Variants in PCDHA8 observed in about 807,000 individuals in gnomAD.
PCDHA8 encodes the protein protocadherin alpha-8.
PCDHA8 carries 53 observed loss-of-function variants against 61.8 expected under a neutral mutation model. The observed-to-expected ratio is 0.86, with a 90% CI of 0.69 to 1.08. The LOEUF is 1.08. Ranked by LOEUF, PCDHA8 falls within the 50% of genes least tolerant of loss-of-function variation. The pLI is 0.00. For missense variants in PCDHA8, 1,293 were observed against 1,245.0 expected, an observed-to-expected ratio of 1.04 and a Z score of -0.58; for synonymous variants, 618 against 556.6, an observed-to-expected ratio of 1.11 and a Z score of -1.55.
intron 1 of PCDHA8, among the ~76,000 whole-genome samples, chr5:140,855,644 T>G (rs1324111294): frequency 6.7e-6 from 1 of 149,848 alleles, no homozygotes; most frequent in Non-Finnish European, 1.5e-5. Context: ...TTGATAATCA[T>G]GTGGTTAGGG....
At chr5:140,968,273 G>A in intron 1 of PCDHA8, 1 of 1,614,080 alleles carries the variant, frequency 6.2e-7, no homozygotes, top group African/African-American at 1.3e-5. Context: ...GGAGAATGCA[G>A]AGGTGACCTA....
At chr5:140,844,109 T>A (rs1779229208) in intron 1 of PCDHA8, among the ~76,000 whole-genome samples, 1 of 149,768 alleles carries the variant, frequency 6.7e-6, no homozygotes, top group Non-Finnish European at 1.5e-5. Flanking sequence ...CCATATGCTG[T>A]ACTTTGAAAT....
Position 140,843,176 on chromosome 5 carries a change from C to A in PCDHA8, c.1855C>A (p.Arg619Ser), listed in dbSNP as rs145175505. 1.9e-6 allele frequency: 3 copies of A among 1,596,084 alleles called. 1 individual carries two copies. The highest frequency in any genetic ancestry group is 2.6e-6 in the Non-Finnish European group (3 of 1,165,610). The change falls in exon 1 of 4, where the codon CGC (arginine) becomes AGC (serine). Residue 619 changes from arginine to serine, a missense_variant. Transcript: ENST00000531613. ...YELQPAASSP[R>S]IPFRVGLYTG... ...GCTGCAGCCAGCTGCAAGCAGCCCT[C>A]GCATCCCGTTCCGCGTGGGGCTGTA...
intron 1 of PCDHA8, among the ~76,000 whole-genome samples, chr5:140,939,247 T>C (rs1413301027): frequency 6.6e-6 from 1 of 152,246 alleles, no homozygotes; most frequent in South Asian, 2.1e-4. Context: ...GCAAGGTAGC[T>C]CTCTGGAACC....
chr5:140,992,576 G>T (rs992150186), intron 3 of PCDHA8, among the ~76,000 whole-genome samples: 4 of 152,172 alleles, frequency 2.6e-5, no homozygotes, highest in Admixed American at 2.0e-4. Flanking sequence ...CATATTGCCT[G>T]CCTTGTATGC....
At chr5:140,897,032 T>C (rs2065847458) in intron 1 of PCDHA8, among the ~76,000 whole-genome samples, 2 of 152,146 alleles carry the variant, frequency 1.3e-5, no homozygotes, top group Non-Finnish European at 2.9e-5. Flanking sequence ...ATTTAGACCA[T>C]AGTCACCCTA....
At position 140,843,145 on chromosome 5, in the gene PCDHA8, G is replaced by A. The variant is rs2150353812; in HGVS notation, c.1824G>A (p.Ser608=). The A allele has an allele frequency of 1.3e-6, 2 of 1,596,072 alleles. No individual in the cohort carries two copies. The highest frequency in any genetic ancestry group is 1.1e-5 in the South Asian group (1 of 90,506). The change falls in exon 1 of 4, where the codon TCG becomes TCA. Residue 608 remains serine (S), a synonymous_variant. Coordinates refer to ENST00000531613, the MANE Select transcript of PCDHA8 (RefSeq NM_018911.3). ...DADSGYNAWL[S]YELQPAASSP... ...ACTCGGGCTACAACGCGTGGCTTTC[G>A]TATGAGCTGCAGCCAGCTGCAAGCA...
chr5:140,870,908 A>G, intron 1 of PCDHA8: 1 of 1,613,928 alleles, frequency 6.2e-7, no homozygotes, highest in Non-Finnish European at 8.5e-7. Flanking sequence ...GACTCAGGCT[A>G]CAACGCGTGG....
intron 1 of PCDHA8, among the ~76,000 whole-genome samples, chr5:140,892,180 T>C (rs1176959692): frequency 6.6e-6 from 1 of 152,224 alleles, no homozygotes; most frequent in African/African-American, 2.4e-5. Context: ...GGGATCCTCA[T>C]GGGTCTATTC....
At chr5:140,963,523 A>T (rs2095769740) in intron 1 of PCDHA8, among the ~76,000 whole-genome samples, 1 of 152,218 alleles carries the variant, frequency 6.6e-6, no homozygotes. Flanking sequence ...CTCATAACAG[A>T]AGTCCCATTT....
chr5:140,983,897 G>A (rs155365), intron 3 of PCDHA8, among the ~76,000 whole-genome samples: 149,305 of 152,360 alleles, frequency 0.98, 73,183 homozygotes, highest in Middle Eastern at 1. Flanking sequence ...AAGGGCATTC[G>A]TTGATTCTAA....
At chr5:140,921,534 G>A (rs1413381073) in intron 1 of PCDHA8, among the ~76,000 whole-genome samples, 3 of 152,130 alleles carry the variant, frequency 2.0e-5, no homozygotes, top group African/African-American at 7.2e-5. Context: ...TCTGCTGATA[G>A]AACATTCTGC....
chr5:140,864,705 G>T (rs1321181111), intron 1 of PCDHA8: 1 of 152,172 alleles, frequency 6.6e-6, no homozygotes, highest in Admixed American at 6.5e-5. Flanking sequence ...AAGTTGTTGA[G>T]CTCTTCTACT....
chr5:140,951,933 A>T (rs2094659165), intron 1 of PCDHA8, among the ~76,000 whole-genome samples: 1 of 152,164 alleles, frequency 6.6e-6, no homozygotes, highest in African/African-American at 2.4e-5. Context: ...TACTCCCAAG[A>T]TACAGTGCGG....
chr5:140,856,374 T>C, intron 1 of PCDHA8: 3 of 1,598,376 alleles, frequency 1.9e-6, no homozygotes, highest in Non-Finnish European at 2.6e-6. Flanking sequence ...GAGGTGATCG[T>C]GGACAGGCCG....
chr5:140,929,272 T>C (rs560527071), intron 1 of PCDHA8: 1 of 1,607,152 alleles, frequency 6.2e-7, no homozygotes. Flanking sequence ...TTTGCCAATA[T>C]CCTGTATTCA....
rs140356413 is a variant in PCDHA8, at chr5:140,945,687, T to C, written c.2395-33262T>C. On this transcript the variant is annotated intron_variant, in intron 1 of 3. Transcript: ENST00000531613. ...CCCAGAAATAAATCCACACAGTTAC[T>C]GTCCACTGATTTGCAACAAAAGTAT... 6.6e-3 allele frequency among the ~76,000 whole-genome samples: 1,005 copies of C among 152,204 alleles called. 10 individuals carry two copies. The highest frequency in any genetic ancestry group is 0.023 in the African/African-American group (952 of 41,538).
intron 1 of PCDHA8, chr5:140,862,689 C>A: frequency 7.2e-6 from 4 of 554,298 alleles, no homozygotes; most frequent in South Asian, 4.1e-5. Context: ...TGGTGTCCTA[C>A]TCGTTGATGG....
chr5:140,967,072 C>A, intron 1 of PCDHA8: 7 of 1,613,106 alleles, frequency 4.3e-6, no homozygotes, highest in Non-Finnish European at 5.9e-6. Context: ...TCTTCGTCAA[C>A]GAGCGCATTG....
Sources: allele counts gnomAD v4.1 joint callset (sites outside exome capture counted in the v4.1 genomes callset), GRCh38; gene constraint gnomAD v4.1.1; transcripts MANE v1.5; gene names NCBI Gene and HGNC (gene_info 2026-07-23, HGNC 2026-07-21).